Variants in IL1RL1 observed in about 807,000 individuals in gnomAD.
The protein encoded by IL1RL1 is interleukin-1 receptor-like 1.
A neutral mutation model predicts 50.9 loss-of-function variants in IL1RL1; 32 were observed. The observed-to-expected ratio is 0.63, with a 90% CI of 0.47 to 0.84. The LOEUF is 0.84. Ranked by LOEUF, IL1RL1 falls within the 40% of genes least tolerant of loss-of-function variation. The pLI is 0.00. For synonymous variants in IL1RL1, 275 were observed against 236.0 expected (o/e 1.17, Z -1.51); for missense variants, 773 against 662.9 (o/e 1.17, Z -1.82).
At chr2:102,333,915 C>T (rs1011765038) in intron 1 of IL1RL1, among the ~76,000 whole-genome samples, 2 of 152,094 alleles carry the variant, frequency 1.3e-5, no homozygotes, top group Non-Finnish European at 2.9e-5. Context: ...GACATAATCT[C>T]ATTCTTTTTA....
chr2:102,345,342 G>A lies in IL1RL1; in HGVS notation c.970+1927G>A, dbSNP rs114189317. Reference sequence around the variant, plus strand: ...TCCTCACTTGTTCTTCACATATCCAGGCAAAGACATCCTGTTTGCTATATG... The same window carrying A: ...TCCTCACTTGTTCTTCACATATCCAAGCAAAGACATCCTGTTTGCTATATG... On this transcript the variant is annotated intron_variant, in intron 8 of 10. Transcript: ENST00000233954. The A allele has an allele frequency of 1.7e-3, 1,722 of 985,366 alleles. 30 individuals carry two copies. In the African/African-American group the frequency reaches 0.028, roughly 16 times the overall value. The allele number at this position is 985,366 out of a possible 1,614,324, so 61.0% of individuals were successfully genotyped here. A position where few individuals can be genotyped will look rare whatever the true frequency, so the allele number is the denominator to read the frequency against.
intron 1 of IL1RL1, among the ~76,000 whole-genome samples, chr2:102,327,927 C>T (rs1335660958): frequency 6.6e-6 from 1 of 152,164 alleles, no homozygotes; most frequent in Non-Finnish European, 1.5e-5. Context: ...ACCAGAGGTA[C>T]AAGGAGGAGC....
At chr2:102,325,050 C>T (rs1189273818) in intron 1 of IL1RL1, among the ~76,000 whole-genome samples, 1 of 152,178 alleles carries the variant, frequency 6.6e-6, no homozygotes, top group African/African-American at 2.4e-5. Context: ...GACAGACTGC[C>T]TCCTCAAGTA....
intron 1 of IL1RL1, among the ~76,000 whole-genome samples, chr2:102,314,986 A>G (rs1370898360): frequency 6.6e-6 from 1 of 152,194 alleles, no homozygotes; most frequent in Non-Finnish European, 1.5e-5. Flanking sequence ...TGGGCCATGA[A>G]GAAAGGCAAA....
chr2:102,314,241 T>C (rs922108233), intron 1 of IL1RL1, among the ~76,000 whole-genome samples: 15 of 152,192 alleles, frequency 9.9e-5, no homozygotes, highest in African/African-American at 2.7e-4. Context: ...ATTCTTATGA[T>C]GATAGTGCTG....
In IL1RL1 at chr2:102,351,702, T is replaced by A; in HGVS notation, c.1452T>A (p.Ala484=). The A allele has an allele frequency of 1.2e-6, 2 of 1,614,100 alleles. No individual in the cohort carries two copies. The highest frequency in any genetic ancestry group is 1.7e-6 in the Non-Finnish European group (2 of 1,180,006). Residue 484 remains alanine (A), a synonymous_variant, in exon 11 of 11, where the codon GCT becomes GCA. Transcript: ENST00000233954. ...DAKVILIEME[A]LSELDMLQAE... ...AGGTGATACTTATTGAGATGGAGGC[T>A]CTGAGCGAGCTGGACATGCTGCAGG...
At chr2:102,331,636 G>T (rs1334493995) in intron 1 of IL1RL1, among the ~76,000 whole-genome samples, 1 of 152,180 alleles carries the variant, frequency 6.6e-6, no homozygotes, top group Admixed American at 6.5e-5. Context: ...TAAGATAAAA[G>T]AAATAAGACA....
chr2:102,314,302 ACCAATGCTTGTGAGGGCC>A (rs749232303), intron 1 of IL1RL1, among the ~76,000 whole-genome samples: 9 of 152,328 alleles, frequency 5.9e-5, no homozygotes, highest in Non-Finnish European at 1.3e-4. Context: ...TGTACTTCCA[ACCAATGCTTGTGAGGGCC>A]CCAGGCCCCC....
chr2:102,336,700 T>C (rs920001788), intron 1 of IL1RL1, among the ~76,000 whole-genome samples: 75 of 152,146 alleles, frequency 4.9e-4, no homozygotes, highest in Non-Finnish European at 9.8e-4. Context: ...TTTTTTTTTT[T>C]CTTCATCCAG....
chr2:102,343,511 G>A, intron 8 of IL1RL1, 96 bp downstream of exon 8: 1 of 1,606,634 alleles, frequency 6.2e-7, no homozygotes, highest in Non-Finnish European at 8.5e-7. Context: ...AAGACAATGG[G>A]AATGGCCTGT....
At position 102,347,318 on chromosome 2, in the gene IL1RL1, C is replaced by A. The variant is rs567102515; in HGVS notation, c.971-627C>A. The stretch of plus-strand genomic sequence containing the variant: ...GTTTCTTTCCACAGAAACAAACTTT[C>A]TGCTACCATCAGATTAATCTCTTGG... On this transcript the variant is annotated intron_variant, in intron 8 of 10. Coordinates refer to ENST00000233954, the MANE Select transcript of IL1RL1 (RefSeq NM_016232.5). Among the ~76,000 whole-genome samples the A allele has an allele frequency of 3.3e-5, 5 of 152,302 alleles. No individual in the cohort carries two copies. The South Asian group carries it at 8.3e-4, about 25-fold the overall frequency.
At chr2:102,342,618 C>G (rs1307124145) in intron 6 of IL1RL1, among the ~76,000 whole-genome samples, 1 of 152,048 alleles carries the variant, frequency 6.6e-6, no homozygotes, top group Admixed American at 6.6e-5. Context: ...GTAGCCAGAT[C>G]CGGTAAAACA....
intron 3 of IL1RL1, chr2:102,339,451 A>C (rs1187797185): frequency 1.2e-5 from 2 of 163,452 alleles, no homozygotes; most frequent in African/African-American, 4.8e-5. Context: ...TAAGCCACAG[A>C]AGGCTGATGA....
chr2:102,340,592 A>G (rs958829426), intron 4 of IL1RL1, 74 bp from the exon 5 acceptor site: 13 of 1,480,694 alleles, frequency 8.8e-6, no homozygotes, highest in East Asian at 2.4e-5. Context: ...AGCCTAGGCA[A>G]CAAACATTCT....
intron 1 of IL1RL1, among the ~76,000 whole-genome samples, chr2:102,324,571 G>A (rs1189189138): frequency 2.0e-5 from 3 of 152,204 alleles, no homozygotes; most frequent in African/African-American, 4.8e-5. Flanking sequence ...CACCCAGGAA[G>A]TGCAAGGGGT....
rs1677596997 is a variant in IL1RL1 at position 102,342,242 on chromosome 2, G to C, written c.630G>C (p.Leu210=). The change falls in exon 6 of 11, where the codon CTG becomes CTC. Residue 210 remains leucine (L), a synonymous_variant. Coordinates refer to ENST00000233954, the MANE Select transcript of IL1RL1 (RefSeq NM_016232.5). ...TTTAAGATGAGCAAGGCTTTTCTCT[G>C]TTTCCAGTAATCGGAGCCCCTGCAC... The part of the protein sequence containing the change: ...FTVKDEQGFS[L]FPVIGAPAQN... 6.2e-7 allele frequency: 1 copy of C among 1,611,430 alleles called. No individual in the cohort carries two copies. Among genetic ancestry groups the C allele is most frequent in the Non-Finnish European group, 8.5e-7 (1 of 1,177,796 alleles).
At chr2:102,329,101 A>G (rs1271254447) in intron 1 of IL1RL1, among the ~76,000 whole-genome samples, 4 of 152,228 alleles carry the variant, frequency 2.6e-5, no homozygotes, top group Non-Finnish European at 5.9e-5. Context: ...CTACAAGGCT[A>G]CAGTAACCAA....
chr2:102,350,505 C>G (rs1002689936), intron 10 of IL1RL1, among the ~76,000 whole-genome samples: 1 of 152,270 alleles, frequency 6.6e-6, no homozygotes, highest in African/African-American at 2.4e-5. Context: ...CCCAACAACA[C>G]CAAACTTCAC....
At chr2:102,344,593 C>G (rs542222162) in intron 8 of IL1RL1, 1 of 235,612 alleles carries the variant, frequency 4.2e-6, no homozygotes, top group African/African-American at 2.3e-5. Context: ...ACAGTCTGCT[C>G]AACACGACTG....
Sources: gnomAD v4.1 joint callset for allele counts (sites outside exome capture counted in the v4.1 genomes callset) on GRCh38, gnomAD v4.1.1 for gene constraint, MANE v1.5 for transcripts, NCBI Gene and HGNC (gene_info 2026-07-23, HGNC 2026-07-21) for gene names.